Variants in GFPT2 observed in about 807,000 individuals in gnomAD.
GFPT2 encodes glutamine--fructose-6-phosphate transaminase 2, also known as glutamine--fructose-6-phosphate aminotransferase [isomerizing] 2.
A neutral mutation model predicts 85.6 loss-of-function variants in GFPT2; 62 were observed. That is an observed-to-expected ratio of 0.72 (90% CI 0.59 to 0.90). The LOEUF (loss-of-function observed/expected upper bound fraction) is 0.90, where lower values mean the gene tolerates loss of function less well. Ranked by LOEUF, GFPT2 falls within the 40% of genes least tolerant of loss-of-function variation. The pLI is 0.00. For missense variants in GFPT2, 788 were observed against 893.4 expected (o/e 0.88, Z 1.50); for synonymous variants, 368 against 344.5 (o/e 1.07, Z -0.75).
chr5:180,342,607 T>C (rs1297907300), intron 1 of GFPT2, among the ~76,000 whole-genome samples: 2 of 151,612 alleles, frequency 1.3e-5, no homozygotes, highest in Non-Finnish European at 2.9e-5. Context: ...TTAACTCTTC[T>C]AAAAACAACC....
chr5:180,301,617 AAAG>A lies in GFPT2; in HGVS notation c.2005-12_2005-10del. 4 of 1,611,442 alleles carry A rather than the reference AAAG, an allele frequency of 2.5e-6. No homozygotes were observed. The highest frequency in any genetic ancestry group is 3.4e-6 in the Non-Finnish European group (4 of 1,177,514). On this transcript the variant is annotated splice_polypyrimidine_tract_variant and intron_variant, in intron 18 of 18. Transcript: ENST00000253778. ...TTTCTGGGGAAGTCAACCTAAAATG[AAAG>A]AAAGTGACTGTTCAGGACCCCAAAG... is the stretch of plus-strand genomic sequence containing the variant.
Position 180,324,875 on chromosome 5 carries a change from A to G in GFPT2, c.617T>C (p.Ile206Thr). The change falls in exon 8 of 19, where the codon ATC (isoleucine) becomes ACC (threonine). Residue 206 changes from isoleucine (I) to threonine (T), a missense_variant. By Grantham distance (89) the Ile-to-Thr change is moderately conservative. Coordinates refer to ENST00000253778, the MANE Select transcript of GFPT2 (RefSeq NM_005110.4). ...GAGCTTGTATTTGCTCCGGACTCCG[A>G]TGAGCAGGGGGCTGCCTCTCCTGTA... is the stretch of plus-strand genomic sequence containing the variant. ...VATRRGSPLL[I>T]GVRSKYKLST... 6.2e-7 allele frequency: 1 copy of G among 1,611,064 alleles called. No homozygotes were observed. The highest frequency in any genetic ancestry group is 8.5e-7 in the Non-Finnish European group (1 of 1,177,212).
At chr5:180,343,290 C>T (rs1031968392) in intron 1 of GFPT2, among the ~76,000 whole-genome samples, 9 of 152,240 alleles carry the variant, frequency 5.9e-5, no homozygotes, top group African/African-American at 1.9e-4. Flanking sequence ...CAGGCGAGAA[C>T]GTTCGGCACG....
At chr5:180,352,625 G>C in intron 1 of GFPT2, 1 of 449,004 alleles carries the variant, frequency 2.2e-6, no homozygotes, top group South Asian at 1.6e-5. Context: ...GCGGTAACGC[G>C]GCAGCGACCC....
Position 180,313,751 on chromosome 5 carries a change from G to C in GFPT2, c.1431+56C>G, listed in dbSNP as rs897536679. 3.4e-6 allele frequency: 5 copies of C among 1,481,552 alleles called. No homozygotes were observed. In the Admixed American group the frequency reaches 1.0e-4, roughly 30 times the overall value. The allele number at this position is 1,481,552 out of a possible 1,614,324, so 91.8% of individuals were successfully genotyped here. A position where few individuals can be genotyped will look rare whatever the true frequency, so the allele number is the denominator to read the frequency against. On this transcript the variant is annotated intron_variant, in intron 14 of 18. Coordinates refer to ENST00000253778, the MANE Select transcript of GFPT2 (RefSeq NM_005110.4). ...AGCAGGCCGGAGGAGGGCGGCCTCT[G>C]GTGCACCTGCCTCCGCCAGGCTCTC...
At chr5:180,352,620 A>T (rs1380781279) in intron 1 of GFPT2, 1 of 449,102 alleles carries the variant, frequency 2.2e-6, no homozygotes, top group African/African-American at 2.1e-5. Context: ...AAGAGGCGGT[A>T]ACGCGGCAGC....
At chr5:180,349,156 A>T (rs1212169089) in intron 1 of GFPT2, among the ~76,000 whole-genome samples, 1 of 151,614 alleles carries the variant, frequency 6.6e-6, no homozygotes, top group Admixed American at 6.6e-5. Context: ...TTAAGAAAAG[A>T]AGGGGACAGG....
At chr5:180,312,571 G>A in intron 14 of GFPT2, 27 bp from the exon 15 acceptor site, 1 of 1,185,918 alleles carries the variant, frequency 8.4e-7, no homozygotes, top group Non-Finnish European at 1.3e-6. Context: ...AGGTGGCAGG[G>A]ACCTTATTTT....
At chr5:180,345,316 C>T (rs540757511) in intron 1 of GFPT2, among the ~76,000 whole-genome samples, 118 of 152,388 alleles carry the variant, frequency 7.7e-4, no homozygotes, top group African/African-American at 2.7e-3. Flanking sequence ...TTCTCAGGCC[C>T]ACAAGGCCGC....
At position 180,338,648 on chromosome 5, in the gene GFPT2, G is replaced by A. The variant is rs749145930; in HGVS notation, c.8-48C>T. On this transcript the variant is annotated intron_variant, in intron 1 of 18. Transcript: ENST00000253778. ...TGCATTCATAAAATACTCAGCTCGTGTTTGGAAGAAAACGCTTCTGGGGGA... is the reference window on the plus strand; with the variant it reads ...TGCATTCATAAAATACTCAGCTCGTATTTGGAAGAAAACGCTTCTGGGGGA... The A allele has an allele frequency of 6.7e-6, 8 of 1,185,292 alleles. No individual in the cohort carries two copies. The East Asian group carries it at 9.5e-5, about 14-fold the overall frequency. The allele number at this position is 1,185,292 out of a possible 1,614,324, so 73.4% of individuals were successfully genotyped here. A position where few individuals can be genotyped will look rare whatever the true frequency, so the allele number is the denominator to read the frequency against.
At chr5:180,308,812 T>C (rs1305151673) in intron 15 of GFPT2, among the ~76,000 whole-genome samples, 1 of 152,200 alleles carries the variant, frequency 6.6e-6, no homozygotes, top group Non-Finnish European at 1.5e-5. Flanking sequence ...TGGACACTTT[T>C]ATTATAAAAT....
intron 15 of GFPT2, among the ~76,000 whole-genome samples, chr5:180,309,936 G>A (rs2386857): frequency 0.66 from 99,014 of 149,948 alleles, 32,997 homozygotes; most frequent in East Asian, 0.84. Context: ...TCAGCCCCCC[G>A]AGTAGCTGGG....
At chr5:180,342,407 GTTTT>G (rs757456841) in intron 1 of GFPT2, among the ~76,000 whole-genome samples, 1 of 109,326 alleles carries the variant, frequency 9.1e-6, no homozygotes, top group African/African-American at 3.6e-5. Flanking sequence ...TAGGTGAAAT[GTTTT>G]TTTTTTTTTT....
intron 13 of GFPT2, among the ~76,000 whole-genome samples, chr5:180,314,957 G>C (rs1252461343): frequency 6.6e-6 from 1 of 152,172 alleles, no homozygotes; most frequent in East Asian, 1.9e-4. Flanking sequence ...GGCTCTGGTG[G>C]GATCAGAAAC....
At chr5:180,307,419 C>CT in intron 15 of GFPT2, 116 bp from the exon 16 acceptor site, 2 of 978,360 alleles carry the variant, frequency 2.0e-6, no homozygotes, top group South Asian at 3.2e-5. Flanking sequence ...ACTTAGCACA[C>CT]TTTGCTTCCT....
intron 6 of GFPT2, among the ~76,000 whole-genome samples, chr5:180,329,339 T>C (rs896639421): frequency 6.6e-6 from 1 of 152,200 alleles, no homozygotes; most frequent in Non-Finnish European, 1.5e-5. Context: ...CCTGGTGCTT[T>C]TGTCAACAAT....
intron 14 of GFPT2, 26 bp from the exon 15 acceptor site, chr5:180,312,570 G>T (rs1763914552): frequency 8.4e-7 from 1 of 1,196,248 alleles, no homozygotes; most frequent in Admixed American, 1.7e-5. Context: ...GAGGTGGCAG[G>T]GACCTTATTT....
Position 180,353,143 on chromosome 5 carries a change from G to A in GFPT2, c.7+68C>T, listed in dbSNP as rs570784614. On this transcript the variant is annotated intron_variant, in intron 1 of 18. Coordinates refer to ENST00000253778, the MANE Select transcript of GFPT2 (RefSeq NM_005110.4). The stretch of plus-strand genomic sequence containing the variant: ...GGCGCCTGCTTGCGGGCGGAGGCGC[G>A]GAGAGGCTGCGGCGCCGGGACCCGC... 28 of 1,207,976 alleles carry A rather than the reference G, an allele frequency of 2.3e-5. No homozygotes were observed. In the East Asian group the frequency reaches 3.8e-4, roughly 17 times the overall value. The allele number at this position is 1,207,976 out of a possible 1,614,324, so 74.8% of individuals were successfully genotyped here.
rs1353011195 is a variant in GFPT2 at position 180,307,173 on chromosome 5, C to T, written c.1674+3G>A. On this transcript the variant is annotated splice_donor_region_variant and intron_variant, in intron 16 of 18. Transcript: ENST00000253778. ...GGGGTGGGGGCTGGGGGTGGGGGCT[C>T]ACCAGGGCTCCTTCCAGGCAGGTGG... 5 of 1,559,038 alleles carry T rather than the reference C, an allele frequency of 3.2e-6. No homozygotes were observed. Among genetic ancestry groups the T allele is most frequent in the Non-Finnish European group, 4.3e-6 (5 of 1,152,572 alleles).
Sources: gnomAD v4.1 joint callset for allele counts (sites outside exome capture counted in the v4.1 genomes callset) on GRCh38, gnomAD v4.1.1 for gene constraint, MANE v1.5 for transcripts, NCBI Gene and HGNC (gene_info 2026-07-23, HGNC 2026-07-21) for gene names.